Variants in DLC1 observed in about 807,000 individuals in gnomAD.
DLC1 encodes the protein DLC1 Rho GTPase activating protein.
DLC1 carries 54 observed loss-of-function variants against 140.3 expected under a neutral mutation model. That is an observed-to-expected ratio of 0.38 (90% CI 0.31 to 0.48). The LOEUF (loss-of-function observed/expected upper bound fraction) is 0.48, where lower values mean the gene tolerates loss of function less well. Among genes scored for constraint, DLC1 ranks in the 20% least tolerant of loss-of-function variants. The pLI is 0.96. For synonymous variants in DLC1, 986 were observed against 728.1 expected (o/e 1.35, Z -5.70); for missense variants, 2,536 against 1,907.0 (o/e 1.33, Z -6.14).
At chr8:13,459,811 TGAA>T (rs1799576473) in intron 2 of DLC1, among the ~76,000 whole-genome samples, 1 of 152,202 alleles carries the variant, frequency 6.6e-6, no homozygotes, top group Admixed American at 6.5e-5. Context: ...TAATAAAACT[TGAA>T]GAATACAAAT....
intron 1 of DLC1, among the ~76,000 whole-genome samples, chr8:13,569,240 C>T (rs1268449253): frequency 2.0e-5 from 3 of 152,094 alleles, no homozygotes; most frequent in Non-Finnish European, 4.4e-5. Context: ...TCTACATGTC[C>T]AACACCTGAA....
At chr8:13,207,120 C>G (rs768317227) in intron 5 of DLC1, among the ~76,000 whole-genome samples, 6 of 152,100 alleles carry the variant, frequency 3.9e-5, no homozygotes, top group Non-Finnish European at 7.4e-5. Flanking sequence ...TGTGTATTTA[C>G]TACCTATTAA....
intron 1 of DLC1, among the ~76,000 whole-genome samples, chr8:13,578,794 C>A (rs958339908): frequency 1.3e-5 from 2 of 152,080 alleles, no homozygotes; most frequent in Admixed American, 1.3e-4. Context: ...CCAGGTACCC[C>A]CATGTGTTCA....
chr8:13,110,706 A>G (rs1165890708), intron 7 of DLC1, 36 bp downstream of exon 7: 3 of 1,586,606 alleles, frequency 1.9e-6, no homozygotes, highest in Admixed American at 1.7e-5. Flanking sequence ...TTCTTAAAAA[A>G]TAAAAAAGGA....
At chr8:13,313,909 T>G (rs1332853786) in intron 4 of DLC1, among the ~76,000 whole-genome samples, 2 of 152,154 alleles carry the variant, frequency 1.3e-5, no homozygotes, top group African/African-American at 4.8e-5. Flanking sequence ...GTGGGCCTAT[T>G]CTTTGTCCTT....
intron 4 of DLC1, among the ~76,000 whole-genome samples, chr8:13,360,548 C>T (rs942071473): frequency 6.6e-6 from 1 of 152,042 alleles, no homozygotes; most frequent in East Asian, 1.9e-4. Flanking sequence ...ATTGATACAG[C>T]GCTGGGCTTG....
chr8:13,449,698 A>C (rs1418955701), intron 2 of DLC1, among the ~76,000 whole-genome samples: 2 of 152,140 alleles, frequency 1.3e-5, no homozygotes, highest in Non-Finnish European at 2.9e-5. Context: ...GAGGGATAGC[A>C]TTAGGAGATA....
chr8:13,539,845 G>T (rs1803425748), intron 1 of DLC1, among the ~76,000 whole-genome samples: 1 of 152,028 alleles, frequency 6.6e-6, no homozygotes, highest in Non-Finnish European at 1.5e-5. Flanking sequence ...ATTGAGAAGG[G>T]TGGGTGTAGG....
Position 13,119,951 on chromosome 8 carries a change from T to C in DLC1, c.1349-4294A>G, listed in dbSNP as rs113517671. ...AAACTTATAAAAAAATTTTTAAAAA[T>C]GAGATTTCTACATTCAAATGCCATA... On this transcript the variant is annotated intron_variant, in intron 5 of 17. Coordinates refer to ENST00000276297, the MANE Select transcript of DLC1 (RefSeq NM_182643.3). 9.8e-3 allele frequency among the ~76,000 whole-genome samples: 1,446 copies of C among 148,140 alleles called. 27 individuals are homozygous for C. Among genetic ancestry groups the C allele is most frequent in the African/African-American group, 0.033 (1,356 of 40,890 alleles).
chr8:13,547,703 C>T (rs991627347), intron 1 of DLC1, among the ~76,000 whole-genome samples: 1 of 152,010 alleles, frequency 6.6e-6, no homozygotes, highest in African/African-American at 2.4e-5. Context: ...GTTAGCTCGA[C>T]TAATAACAAA....
At chr8:13,429,037 G>C (rs549331755) in intron 2 of DLC1, among the ~76,000 whole-genome samples, 1 of 152,290 alleles carries the variant, frequency 6.6e-6, no homozygotes, top group South Asian at 2.1e-4. Context: ...ATTGACCTTA[G>C]TTATTAGATA....
intron 4 of DLC1, among the ~76,000 whole-genome samples, chr8:13,373,484 T>C (rs1356342496): frequency 2.0e-5 from 3 of 152,208 alleles, no homozygotes; most frequent in Non-Finnish European, 4.4e-5. Flanking sequence ...TCCTGATCTG[T>C]TCCCTTTCTC....
chr8:13,578,582 C>G (rs1393561618), intron 1 of DLC1, among the ~76,000 whole-genome samples: 1 of 152,202 alleles, frequency 6.6e-6, no homozygotes. Context: ...ACACTTCTGA[C>G]TGACCTGCTA....
intron 5 of DLC1, among the ~76,000 whole-genome samples, chr8:13,159,977 G>T (rs1824557783): frequency 6.6e-6 from 1 of 152,080 alleles, no homozygotes; most frequent in Non-Finnish European, 1.5e-5. Flanking sequence ...GGACAATATG[G>T]TGAAACCCTG....
intron 1 of DLC1, among the ~76,000 whole-genome samples, chr8:13,501,281 G>C (rs1463412748): frequency 1.3e-5 from 2 of 151,990 alleles, no homozygotes; most frequent in East Asian, 1.9e-4. Flanking sequence ...CACATACCAG[G>C]TACCCAAATT....
chr8:13,549,537 G>T (rs1169823154), intron 1 of DLC1, among the ~76,000 whole-genome samples: 3 of 151,994 alleles, frequency 2.0e-5, no homozygotes, highest in Non-Finnish European at 4.4e-5. Context: ...ACATTGCTGT[G>T]TAACTAACAC....
chr8:13,121,119 A>G (rs1232833572), intron 5 of DLC1, among the ~76,000 whole-genome samples: 1 of 152,234 alleles, frequency 6.6e-6, no homozygotes, highest in Non-Finnish European at 1.5e-5. Context: ...AAGAAATTAA[A>G]GGAATGTAAG....
chr8:13,466,930 T>A (rs7814428), intron 2 of DLC1, among the ~76,000 whole-genome samples: 1 of 150,402 alleles, frequency 6.6e-6, no homozygotes, highest in Admixed American at 6.6e-5. Context: ...CAGTTAACAG[T>A]GGTTGTCTAC....
chr8:13,297,282 T>TAAAAAAAAAAAAAAAAAAAAACAAACA, intron 5 of DLC1, among the ~76,000 whole-genome samples: 1 of 9,636 alleles, frequency 1.0e-4, no homozygotes, highest in South Asian at 8.5e-3. Flanking sequence ...CTTCATACAT[T>TAAAAAAAAAAAAAAAAAAAAACAAACA]AAAAAAAAAA....
Sources: gnomAD v4.1 joint callset for allele counts (sites outside exome capture counted in the v4.1 genomes callset) on GRCh38, gnomAD v4.1.1 for gene constraint, MANE v1.5 for transcripts, NCBI Gene and HGNC (gene_info 2026-07-23, HGNC 2026-07-21) for gene names.